CCDC85A: variants seen among roughly 807,000 people sequenced by gnomAD.
CCDC85A encodes coiled-coil domain containing 85A, also known as coiled-coil domain-containing protein 85A.
CCDC85A carries 38 observed loss-of-function variants against 50.2 expected under a neutral mutation model. That is an observed-to-expected ratio of 0.76 (90% CI 0.58 to 0.99). CCDC85A has a LOEUF of 0.99. Ranked by LOEUF, CCDC85A falls within the 50% of genes least tolerant of loss-of-function variation. The probability of loss-of-function intolerance (pLI) is 0.00; values close to 1 mark genes in which losing one functional copy is unlikely to be tolerated. For missense variants in CCDC85A, 820 were observed against 742.0 expected (o/e 1.11, Z -1.22); for synonymous variants, 366 against 301.4 (o/e 1.21, Z -2.22).
intron 2 of CCDC85A, among the ~76,000 whole-genome samples, chr2:56,302,311 T>G (rs1265375768): frequency 1.3e-5 from 2 of 152,090 alleles, no homozygotes; most frequent in African/African-American, 4.8e-5. Flanking sequence ...TAGATCTGCC[T>G]CATTAAAGTG....
At chr2:56,323,711 G>T (rs1673329549) in intron 2 of CCDC85A, among the ~76,000 whole-genome samples, 1 of 152,070 alleles carries the variant, frequency 6.6e-6, no homozygotes, top group Non-Finnish European at 1.5e-5. Context: ...ACTGTTACTA[G>T]AACAGGATTG....
chr2:56,196,863 A>T (rs1263202326), intron 2 of CCDC85A, among the ~76,000 whole-genome samples: 1 of 146,552 alleles, frequency 6.8e-6, no homozygotes, highest in African/African-American at 2.5e-5. Flanking sequence ...ACTCTTCATT[A>T]TCTTCTTTCT....
At chr2:56,269,859 T>C (rs1670622210) in intron 2 of CCDC85A, among the ~76,000 whole-genome samples, 1 of 152,056 alleles carries the variant, frequency 6.6e-6, no homozygotes, top group Non-Finnish European at 1.5e-5. Context: ...TTTCGAAAAA[T>C]AGCGCTATTA....
intron 2 of CCDC85A, 51 bp downstream of exon 2, chr2:56,193,491 A>C (rs144495274): frequency 1.3e-6 from 2 of 1,511,562 alleles, no homozygotes; most frequent in African/African-American, 2.8e-5. Context: ...CTCAGTAGAG[A>C]GTTACGAATG....
chr2:56,239,688 C>G (rs1389535958), intron 2 of CCDC85A, among the ~76,000 whole-genome samples: 1 of 152,048 alleles, frequency 6.6e-6, no homozygotes, highest in East Asian at 1.9e-4. Context: ...ATTTTTCAGA[C>G]CAAAGTAAAG....
At chr2:56,258,864 T>G (rs1003616036) in intron 2 of CCDC85A, among the ~76,000 whole-genome samples, 7 of 152,312 alleles carry the variant, frequency 4.6e-5, no homozygotes, top group African/African-American at 1.7e-4. Context: ...CAGTTGGATT[T>G]CTTCAATCTT....
intron 3 of CCDC85A, among the ~76,000 whole-genome samples, chr2:56,349,157 G>A (rs1674776471): frequency 6.6e-6 from 1 of 152,098 alleles, no homozygotes; most frequent in South Asian, 2.1e-4. Flanking sequence ...GTAGAATCTG[G>A]ATGTTACTGA....
chr2:56,290,324 T>C (rs137898055), intron 2 of CCDC85A, among the ~76,000 whole-genome samples: 16 of 152,330 alleles, frequency 1.1e-4, no homozygotes, highest in East Asian at 9.6e-4. Context: ...GTCTGCTTTT[T>C]TTTTCTGGTT....
At chr2:56,337,438 C>A (rs1474178556) in intron 2 of CCDC85A, among the ~76,000 whole-genome samples, 1 of 152,186 alleles carries the variant, frequency 6.6e-6, no homozygotes. Context: ...TTGATATTTG[C>A]TTTTCCAGAT....
At position 56,183,996 on chromosome 2, in the gene CCDC85A, G is replaced by T. The variant is rs1675874884; in HGVS notation, c.-629G>T. 2 of 985,490 alleles carry T rather than the reference G, an allele frequency of 2.0e-6. No individual in the cohort carries two copies. The highest frequency in any genetic ancestry group is 6.1e-5 in the Admixed American group (1 of 16,270). 61.0% of individuals were successfully genotyped at this position (985,490 alleles called of 1,614,324 possible). A position where few individuals can be genotyped will look rare whatever the true frequency, so the allele number is the denominator to read the frequency against. On this transcript the variant is annotated 5_prime_UTR_variant, in exon 1 of 6. Transcript: ENST00000407595. ...GGTCCCCCACCCTCCACCCCTTCTC[G>T]ACTCCGCTCTGCAAATCGAAGGCTT...
chr2:56,310,508 C>A (rs1287097907), intron 2 of CCDC85A, among the ~76,000 whole-genome samples: 1 of 152,052 alleles, frequency 6.6e-6, no homozygotes, highest in Non-Finnish European at 1.5e-5. Context: ...TATAACGTGG[C>A]CTAAGCAAGT....
rs140143402 is a variant in CCDC85A at position 56,271,055 on chromosome 2, A to C, written c.1241-71824A>C. On this transcript the variant is annotated intron_variant, in intron 2 of 5. Coordinates refer to ENST00000407595, the MANE Select transcript of CCDC85A (RefSeq NM_001080433.2). Reference sequence around the variant, plus strand: ...CTCAAAGAAATGCAGTGGCTTGCCCAGTGTCCCACAGCTTGTAAGTGGCAG... The same window carrying C: ...CTCAAAGAAATGCAGTGGCTTGCCCCGTGTCCCACAGCTTGTAAGTGGCAG... 1.0e-2 allele frequency among the ~76,000 whole-genome samples: 1,520 copies of C among 152,304 alleles called. 16 individuals are homozygous for C. Among genetic ancestry groups the C allele is most frequent in the Middle Eastern group, 0.031 (9 of 294 alleles).
At chr2:56,313,839 G>A (rs977991135) in intron 2 of CCDC85A, among the ~76,000 whole-genome samples, 1 of 151,916 alleles carries the variant, frequency 6.6e-6, no homozygotes, top group African/African-American at 2.4e-5. Context: ...GGGAGGGCAG[G>A]GACTTTGGTT....
At chr2:56,268,500 C>T (rs1424090380) in intron 2 of CCDC85A, among the ~76,000 whole-genome samples, 1 of 149,598 alleles carries the variant, frequency 6.7e-6, no homozygotes, top group East Asian at 2.0e-4. Flanking sequence ...GAGGCTGAGG[C>T]AGGAGAATCG....
At chr2:56,291,823 G>C (rs1027696669) in intron 2 of CCDC85A, among the ~76,000 whole-genome samples, 3 of 142,688 alleles carry the variant, frequency 2.1e-5, no homozygotes, top group African/African-American at 7.9e-5. Flanking sequence ...GATGTAACCT[G>C]ATTTACCTGT....
intron 2 of CCDC85A, among the ~76,000 whole-genome samples, chr2:56,293,611 A>G (rs1445190021): frequency 6.6e-6 from 1 of 152,208 alleles, no homozygotes; most frequent in Non-Finnish European, 1.5e-5. Context: ...TAAATTTACA[A>G]GAAAAAAACA....
At chr2:56,183,956 G>C, upstream of CCDC85A, 1 of 985,334 alleles carries the variant, frequency 1.0e-6, no homozygotes, top group Non-Finnish European at 1.2e-6. Context: ...CCAGCTCCAG[G>C]CTCCTCCTCC....
chr2:56,372,510 G>T lies in CCDC85A; in HGVS notation c.1452+32G>T, dbSNP rs1344952093. ...GAAGATGAGTCAGCTGGATGCATTTGCTTGTGCATAACCAGATGACTTCTG... is the reference window on the plus strand; with the variant it reads ...GAAGATGAGTCAGCTGGATGCATTTTCTTGTGCATAACCAGATGACTTCTG... On this transcript the variant is annotated intron_variant, in intron 4 of 5. Coordinates refer to ENST00000407595, the MANE Select transcript of CCDC85A (RefSeq NM_001080433.2). The T allele has an allele frequency of 2.6e-6, 4 of 1,558,950 alleles. No homozygotes were observed. In the African/African-American group the frequency reaches 4.1e-5, roughly 16 times the overall value.
At chr2:56,191,362 G>T (rs1676288502) in intron 1 of CCDC85A, among the ~76,000 whole-genome samples, 1 of 152,174 alleles carries the variant, frequency 6.6e-6, no homozygotes, top group African/African-American at 2.4e-5. Flanking sequence ...CACCTGGACT[G>T]GTACCTGGTA....
Sources: gnomAD v4.1 joint callset for allele counts (sites outside exome capture counted in the v4.1 genomes callset) on GRCh38, gnomAD v4.1.1 for gene constraint, MANE v1.5 for transcripts, NCBI Gene and HGNC (gene_info 2026-07-23, HGNC 2026-07-21) for gene names.